Variants in CDH13 observed in about 807,000 individuals in gnomAD.
CDH13 encodes the protein cadherin 13.
CDH13 carries 24 observed loss-of-function variants against 63.8 expected under a neutral mutation model. The ratio of observed to expected loss-of-function variants is 0.38; its 90% CI spans 0.27 to 0.53. The LOEUF (loss-of-function observed/expected upper bound fraction) is 0.53, where lower values mean the gene tolerates loss of function less well. Among genes scored for constraint, CDH13 ranks in the 20% least tolerant of loss-of-function variants. The pLI is 0.85. For synonymous variants in CDH13, 503 were observed against 355.3 expected, an observed-to-expected ratio of 1.42 and a Z score of -4.67; for missense variants, 1,049 against 903.1, an observed-to-expected ratio of 1.16 and a Z score of -2.07.
chr16:82,972,097 G>T (rs376793481), intron 2 of CDH13, among the ~76,000 whole-genome samples: 1 of 152,212 alleles, frequency 6.6e-6, no homozygotes, highest in African/African-American at 2.4e-5. Flanking sequence ...CCCAAGTGAA[G>T]CAGTGTAGGG....
intron 2 of CDH13, among the ~76,000 whole-genome samples, chr16:82,974,928 C>T (rs887251493): frequency 3.3e-5 from 5 of 152,170 alleles, no homozygotes; most frequent in African/African-American, 1.2e-4. Context: ...CCGCAGGATG[C>T]CCACACATAA....
chr16:82,822,654 C>A (rs925972318), intron 1 of CDH13, among the ~76,000 whole-genome samples: 2 of 152,110 alleles, frequency 1.3e-5, no homozygotes, highest in African/African-American at 4.8e-5. Flanking sequence ...ACCGCCACAC[C>A]TGGCTAATTT....
At position 83,797,574 on chromosome 16, in the gene CDH13, T is replaced by TGACTG. The variant is rs1904288370; in HGVS notation, c.*2544_*2545insGACTG. 6.6e-6 allele frequency: 1 copy of TGACTG among 152,256 alleles called. No individual in the cohort carries two copies. The highest frequency in any genetic ancestry group is 1.5e-5 in the Non-Finnish European group (1 of 68,048). 9.4% of individuals were successfully genotyped at this position (152,256 alleles called of 1,614,324 possible). On this transcript the variant is annotated 3_prime_UTR_variant, in exon 14 of 14. Transcript: ENST00000567109. ...ATTCTTATAGGCCAAAGTGGTAGCA[T>TGACTG]TTCCTGAATCATAAGATGTTTTGTT...
intron 1 of CDH13, among the ~76,000 whole-genome samples, chr16:82,768,236 T>A (rs2035135022): frequency 6.6e-6 from 1 of 152,210 alleles, no homozygotes; most frequent in South Asian, 2.1e-4. Flanking sequence ...GAATAAAGTT[T>A]CATAAGGTGT....
intron 3 of CDH13, among the ~76,000 whole-genome samples, chr16:83,078,429 C>T (rs931132581): frequency 6.6e-6 from 1 of 152,156 alleles, no homozygotes; most frequent in Non-Finnish European, 1.5e-5. Flanking sequence ...GACCTAGATC[C>T]CTCGCATGTG....
chr16:83,512,656 A>T (rs2074599489), intron 7 of CDH13, among the ~76,000 whole-genome samples: 1 of 147,572 alleles, frequency 6.8e-6, no homozygotes, highest in Non-Finnish European at 1.5e-5. Context: ...CAACAGAGTG[A>T]GACTCCGTCT....
At chr16:83,196,945 A>T (rs1042681257) in intron 4 of CDH13, among the ~76,000 whole-genome samples, 1 of 152,220 alleles carries the variant, frequency 6.6e-6, no homozygotes, top group African/African-American at 2.4e-5. Context: ...CTAGGCGTTT[A>T]TCCCAGAAAT....
At chr16:83,766,253 C>G (rs567123641) in intron 11 of CDH13, among the ~76,000 whole-genome samples, 1 of 152,232 alleles carries the variant, frequency 6.6e-6, no homozygotes, top group African/African-American at 2.4e-5. Flanking sequence ...CCACTACTCT[C>G]AAAATAGAAG....
At chr16:82,942,006 C>G (rs1021008330) in intron 2 of CDH13, among the ~76,000 whole-genome samples, 15 of 152,134 alleles carry the variant, frequency 9.9e-5, no homozygotes, top group Non-Finnish European at 1.5e-5. Flanking sequence ...CTTTCACTTT[C>G]TTAATGGTGT....
chr16:83,050,689 T>C (rs1455058896), intron 3 of CDH13, among the ~76,000 whole-genome samples: 1 of 152,100 alleles, frequency 6.6e-6, no homozygotes, highest in Non-Finnish European at 1.5e-5. Context: ...AGGTCCATCG[T>C]GTCTACAGCG....
chr16:83,381,686 C>G (rs1377792800), intron 6 of CDH13, among the ~76,000 whole-genome samples: 1 of 151,918 alleles, frequency 6.6e-6, no homozygotes, highest in Non-Finnish European at 1.5e-5. Flanking sequence ...TCAAATCATT[C>G]CAAACCAAAG....
chr16:83,740,452 C>T (rs933428716), intron 10 of CDH13, among the ~76,000 whole-genome samples: 3 of 152,104 alleles, frequency 2.0e-5, no homozygotes, highest in African/African-American at 7.2e-5. Context: ...AAAGTGGACC[C>T]ACACCACAGC....
chr16:83,314,408 T>C (rs1194430880), intron 5 of CDH13, among the ~76,000 whole-genome samples: 1 of 152,194 alleles, frequency 6.6e-6, no homozygotes, highest in Non-Finnish European at 1.5e-5. Context: ...CAAGCAGTTT[T>C]CTAAACTAAA....
chr16:83,256,171 C>T (rs1362839347), intron 5 of CDH13, among the ~76,000 whole-genome samples: 1 of 152,030 alleles, frequency 6.6e-6, no homozygotes, highest in Non-Finnish European at 1.5e-5. Context: ...GTAGTTGGGA[C>T]TACAGGCGTG....
rs186922362 is a variant in CDH13 at position 83,036,517 on chromosome 16, G to C, written c.366+4299G>C. Among the ~76,000 whole-genome samples the C allele has an allele frequency of 1.9e-3, 293 of 152,214 alleles. 1 individual carries two copies. Among genetic ancestry groups the C allele is most frequent in the Middle Eastern group, 0.017 (5 of 294 alleles). On this transcript the variant is annotated intron_variant, in intron 3 of 13. Transcript: ENST00000567109. ...CTGGAACAGAGTAAACCTGCACAAT[G>C]TTCACTCCCACAAATGCAGTTACAA...
At chr16:83,756,053 T>G (rs940131868) in intron 11 of CDH13, among the ~76,000 whole-genome samples, 2 of 152,180 alleles carry the variant, frequency 1.3e-5, no homozygotes, top group Non-Finnish European at 2.9e-5. Flanking sequence ...ATACTTTGTA[T>G]TAGACTCTAA....
At chr16:83,764,127 G>T (rs1914194289) in intron 11 of CDH13, among the ~76,000 whole-genome samples, 1 of 152,218 alleles carries the variant, frequency 6.6e-6, no homozygotes, top group Non-Finnish European at 1.5e-5. Context: ...CTTGAACTGA[G>T]TCATGGACTG....
At chr16:83,678,484 A>C in intron 10 of CDH13, 23 bp downstream of exon 10, 1 of 1,613,280 alleles carries the variant, frequency 6.2e-7, no homozygotes, top group Non-Finnish European at 8.5e-7. Context: ...CTCCGGAACC[A>C]CAGACGGGAG....
intron 7 of CDH13, among the ~76,000 whole-genome samples, chr16:83,516,840 T>G (rs909044170): frequency 6.6e-6 from 1 of 152,202 alleles, no homozygotes; most frequent in Non-Finnish European, 1.5e-5. Context: ...GTACAACAGG[T>G]GGATTCCCAC....
Sources: gnomAD v4.1 joint callset for allele counts (sites outside exome capture counted in the v4.1 genomes callset) on GRCh38, gnomAD v4.1.1 for gene constraint, MANE v1.5 for transcripts, NCBI Gene and HGNC (gene_info 2026-07-23, HGNC 2026-07-21) for gene names.